SMAP1: variants seen among roughly 807,000 people sequenced by gnomAD.
The protein encoded by SMAP1 is small ArfGAP 1.
In SMAP1, 24 loss-of-function variants were observed where a neutral mutation model predicts 58.5. The ratio of observed to expected loss-of-function variants is 0.41; its 90% CI spans 0.30 to 0.58. The LOEUF is 0.58. SMAP1 is among the 20% of genes least tolerant of loss of function. SMAP1 has a pLI of 0.29. For missense variants in SMAP1, 563 were observed against 566.3 expected, an observed-to-expected ratio of 0.99 and a Z score of 0.06; for synonymous variants, 216 against 196.6, an observed-to-expected ratio of 1.10 and a Z score of -0.82.
At chr6:70,760,123 G>C (rs1462664140) in intron 3 of SMAP1, among the ~76,000 whole-genome samples, 1 of 152,026 alleles carries the variant, frequency 6.6e-6, no homozygotes, top group African/African-American at 2.4e-5. Context: ...CCACATTTAA[G>C]TCTTGATTGC....
intron 7 of SMAP1, among the ~76,000 whole-genome samples, chr6:70,839,658 G>C (rs953720383): frequency 2.0e-5 from 3 of 152,170 alleles, no homozygotes; most frequent in Non-Finnish European, 4.4e-5. Context: ...TGGCAGAAGA[G>C]TTCCAAAGAT....
At chr6:70,828,032 A>G (rs1770207215) in intron 6 of SMAP1, among the ~76,000 whole-genome samples, 2 of 152,346 alleles carry the variant, frequency 1.3e-5, no homozygotes, top group Admixed American at 6.5e-5. Context: ...CAAGAATTAT[A>G]TGCAAAATTT....
At chr6:70,715,798 G>A (rs1276075960) in intron 1 of SMAP1, among the ~76,000 whole-genome samples, 1 of 152,090 alleles carries the variant, frequency 6.6e-6, no homozygotes, top group African/African-American at 2.4e-5. Context: ...ACATGAGTAA[G>A]TTCTTTAGTG....
chr6:70,842,628 G>GT (rs1770843930), intron 7 of SMAP1, among the ~76,000 whole-genome samples: 2 of 152,170 alleles, frequency 1.3e-5, no homozygotes, highest in African/African-American at 4.8e-5. Context: ...CAAACTACGA[G>GT]TAACAGGAAG....
rs182103371 is a variant in SMAP1, at chr6:70,755,168, G to A, written c.338+103G>A. On this transcript the variant is annotated intron_variant, in intron 3 of 10. Coordinates refer to ENST00000370455, the MANE Select transcript of SMAP1 (RefSeq NM_001044305.3). The stretch of plus-strand genomic sequence containing the variant: ...TTTAGGAAGATGTGAACTTTATCAC[G>A]CTACTGTTCATTAAAGATAGAAATT... 2.5e-5 allele frequency: 22 copies of A among 877,384 alleles called. No individual in the cohort carries two copies. In the East Asian group the frequency reaches 3.1e-4, roughly 12 times the overall value. 54.3% of individuals were successfully genotyped at this position (877,384 alleles called of 1,614,324 possible). A position where few individuals can be genotyped will look rare whatever the true frequency, so the allele number is the denominator to read the frequency against.
intron 4 of SMAP1, among the ~76,000 whole-genome samples, chr6:70,788,506 G>T (rs1343492030): frequency 6.6e-6 from 1 of 151,916 alleles, no homozygotes; most frequent in African/African-American, 2.4e-5. Context: ...AATATTATAG[G>T]AGGTGCGTAC....
At chr6:70,817,704 A>G (rs1478411258) in intron 6 of SMAP1, among the ~76,000 whole-genome samples, 1 of 152,116 alleles carries the variant, frequency 6.6e-6, no homozygotes, top group Non-Finnish European at 1.5e-5. Flanking sequence ...TGTTGATTTT[A>G]AAGAGGGGTC....
At chr6:70,675,876 T>C (rs1581980192) in intron 1 of SMAP1, among the ~76,000 whole-genome samples, 1 of 152,222 alleles carries the variant, frequency 6.6e-6, no homozygotes, top group African/African-American at 2.4e-5. Flanking sequence ...TCTGTCATTG[T>C]GCCTAAGTTG....
intron 2 of SMAP1, among the ~76,000 whole-genome samples, chr6:70,752,936 A>G (rs1377973272): frequency 6.6e-6 from 1 of 152,194 alleles, no homozygotes; most frequent in Admixed American, 6.6e-5. Context: ...GAAATGACTC[A>G]TTATTCCACA....
chr6:70,690,864 C>CT (rs968094491), intron 1 of SMAP1, among the ~76,000 whole-genome samples: 3 of 151,868 alleles, frequency 2.0e-5, no homozygotes, highest in Non-Finnish European at 4.4e-5. Context: ...CCCTTCCCCC[C>CT]TTCCCCACTG....
intron 6 of SMAP1, among the ~76,000 whole-genome samples, chr6:70,825,613 A>T (rs1166512873): frequency 6.6e-6 from 1 of 152,174 alleles, no homozygotes; most frequent in African/African-American, 2.4e-5. Flanking sequence ...GAGTCTTACG[A>T]ACAGGAGCTT....
At chr6:70,707,909 G>C (rs1256599160) in intron 1 of SMAP1, among the ~76,000 whole-genome samples, 1 of 152,186 alleles carries the variant, frequency 6.6e-6, no homozygotes, top group African/African-American at 2.4e-5. Context: ...GATTTCTACA[G>C]TCAAACAAAT....
At chr6:70,804,843 A>G (rs1393638396) in intron 6 of SMAP1, among the ~76,000 whole-genome samples, 4 of 151,882 alleles carry the variant, frequency 2.6e-5, no homozygotes, top group East Asian at 1.9e-4. Context: ...CTTCTGGCCT[A>G]TAGTGTTTCT....
At chr6:70,668,182 GC>G in intron 1 of SMAP1, 41 bp downstream of exon 1, 5 of 1,541,198 alleles carry the variant, frequency 3.2e-6, no homozygotes, top group Non-Finnish European at 4.4e-6. Context: ...GGGGCCTCTT[GC>G]GACCGGTGAC....
At chr6:70,697,613 G>T (rs912261846) in intron 1 of SMAP1, among the ~76,000 whole-genome samples, 6 of 151,986 alleles carry the variant, frequency 3.9e-5, no homozygotes, top group Non-Finnish European at 8.8e-5. Flanking sequence ...GCCGCTTCTT[G>T]TCTTTTTGTG....
intron 2 of SMAP1, among the ~76,000 whole-genome samples, chr6:70,744,251 G>T (rs1765931612): frequency 6.6e-6 from 1 of 150,968 alleles, no homozygotes; most frequent in African/African-American, 2.4e-5. Context: ...GTATACATGT[G>T]CCACGTTGGT....
At chr6:70,776,180 T>A (rs908161099) in intron 4 of SMAP1, among the ~76,000 whole-genome samples, 4 of 152,086 alleles carry the variant, frequency 2.6e-5, no homozygotes, top group African/African-American at 9.7e-5. Context: ...TATCATTTCT[T>A]CTTTTTCTTT....
intron 3 of SMAP1, among the ~76,000 whole-genome samples, chr6:70,755,766 C>G (rs2149890237): frequency 6.6e-6 from 1 of 152,062 alleles, no homozygotes; most frequent in East Asian, 1.9e-4. Flanking sequence ...TTACTAGAAA[C>G]TTGATTTGTA....
intron 4 of SMAP1, among the ~76,000 whole-genome samples, chr6:70,783,901 T>C (rs1767881765): frequency 6.6e-6 from 1 of 152,226 alleles, no homozygotes; most frequent in South Asian, 2.1e-4. Context: ...CAGGAGAACT[T>C]CCCCAATCTA....
Sources: allele counts gnomAD v4.1 joint callset (sites outside exome capture counted in the v4.1 genomes callset), GRCh38; gene constraint gnomAD v4.1.1; transcripts MANE v1.5; gene names NCBI Gene and HGNC (gene_info 2026-07-23, HGNC 2026-07-21).